Variants in SLC25A20 observed in about 807,000 individuals in gnomAD.
SLC25A20 encodes solute carrier family 25 member 20, also known as mitochondrial carnitine/acylcarnitine carrier protein.
Under a neutral mutation model 39.7 loss-of-function variants are expected in SLC25A20, and 29 were observed. The observed-to-expected ratio is 0.73, with a 90% CI of 0.54 to 1.00. SLC25A20 has a LOEUF of 1.00. SLC25A20 is among the 50% of genes least tolerant of loss of function. The pLI, the probability that SLC25A20 is intolerant of heterozygous loss-of-function variation, is 0.00. For missense variants in SLC25A20, 333 were observed against 379.9 expected (o/e 0.88, Z 1.03); for synonymous variants, 103 against 142.2 (o/e 0.72, Z 1.96).
intron 3 of SLC25A20, among the ~76,000 whole-genome samples, chr3:48,881,638 TCTTAA>T (rs368067274): frequency 4.5e-4 from 69 of 152,126 alleles, no homozygotes; most frequent in African/African-American, 1.6e-3. Context: ...GTCCTGAGTG[TCTTAA>T]CTTTGTTCAG....
chr3:48,887,836 G>A (rs2083841676), intron 2 of SLC25A20, among the ~76,000 whole-genome samples: 2 of 151,934 alleles, frequency 1.3e-5, no homozygotes, highest in South Asian at 2.1e-4. Flanking sequence ...CCGGGAGGCG[G>A]AGGTTGCAGT....
intron 3 of SLC25A20, among the ~76,000 whole-genome samples, chr3:48,881,746 A>C (rs1268592299): frequency 6.6e-6 from 1 of 152,124 alleles, no homozygotes; most frequent in East Asian, 1.9e-4. Flanking sequence ...GGGGTCATGC[A>C]TGGCCCTGAT....
chr3:48,863,029 G>A (rs776297446), intron 4 of SLC25A20, among the ~76,000 whole-genome samples: 12 of 152,004 alleles, frequency 7.9e-5, no homozygotes, highest in African/African-American at 2.7e-4. Flanking sequence ...CTGTCTCTAC[G>A]AAAAATACAA....
chr3:48,891,907 T>A, intron 2 of SLC25A20, 73 bp downstream of exon 2: 1 of 1,216,714 alleles, frequency 8.2e-7, no homozygotes, highest in South Asian at 1.2e-5. Context: ...GTTAACCTAC[T>A]CTCCTTGGGG....
intron 2 of SLC25A20, among the ~76,000 whole-genome samples, chr3:48,889,684 G>C (rs981462030): frequency 1.3e-5 from 2 of 152,038 alleles, no homozygotes; most frequent in African/African-American, 2.4e-5. Context: ...GATTACCTAG[G>C]TGCCGAGGCA....
At position 48,898,816 on chromosome 3, in the gene SLC25A20, G is replaced by A. The variant is rs927955211; in HGVS notation, c.-22C>T. 1.3e-6 allele frequency: 2 copies of A among 1,549,830 alleles called. No individual in the cohort carries two copies. The highest frequency in any genetic ancestry group is 1.4e-5 in the African/African-American group (1 of 73,116). Reference sequence around the variant, plus strand: ...CCATGGTCAGTCCGTCTGTCACTCCGTCTGTCAGTTCTCGGGCCGTCCTGG... The same window carrying A: ...CCATGGTCAGTCCGTCTGTCACTCCATCTGTCAGTTCTCGGGCCGTCCTGG... On this transcript the variant is annotated 5_prime_UTR_variant, in exon 1 of 9. The change creates a new upstream start codon in the 5' untranslated region. Coordinates refer to ENST00000319017, the MANE Select transcript of SLC25A20 (RefSeq NM_000387.6).
chr3:48,870,558 C>CTTTTT (rs752195846), intron 4 of SLC25A20, among the ~76,000 whole-genome samples: 17 of 123,464 alleles, frequency 1.4e-4, no homozygotes, highest in Non-Finnish European at 2.1e-4. Context: ...TTTTCTTTTT[C>CTTTTT]TTTTTTTTTT....
chr3:48,858,423 C>A, intron 8 of SLC25A20, 84 bp downstream of exon 8: 1 of 1,591,984 alleles, frequency 6.3e-7, no homozygotes, highest in South Asian at 1.1e-5. Flanking sequence ...GACCCCAGTC[C>A]TATCCCAGGA....
At chr3:48,865,772 CAA>C (rs1202666164) in intron 4 of SLC25A20, among the ~76,000 whole-genome samples, 21 of 78,018 alleles carry the variant, frequency 2.7e-4, no homozygotes, top group Admixed American at 2.6e-4. Flanking sequence ...CTGTCTCAAA[CAA>C]AAAAAAAAAA....
intron 4 of SLC25A20, among the ~76,000 whole-genome samples, chr3:48,866,543 G>T (rs1415414696): frequency 2.0e-5 from 3 of 151,458 alleles, no homozygotes; most frequent in Admixed American, 6.6e-5. Context: ...GACAGAACAA[G>T]ACTCCATCTC....
intron 4 of SLC25A20, among the ~76,000 whole-genome samples, chr3:48,873,990 A>G (rs890727784): frequency 6.9e-6 from 1 of 145,630 alleles, no homozygotes; most frequent in Non-Finnish European, 1.5e-5. Context: ...AAAAAAAAAA[A>G]AGAATTCTTA....
In SLC25A20 at chr3:48,857,133, A is replaced by G. The variant is rs75285078; in HGVS notation, c.*577T>C. ...TTTACTTTTGATTATTTGCAGGCAT[A>G]AAAAAAAAAAATCAAAATCCAACGA... On this transcript the variant is annotated 3_prime_UTR_variant, in exon 9 of 9. Transcript: ENST00000319017. 6.8e-6 allele frequency: 1 copy of G among 147,094 alleles called. No individual in the cohort carries two copies. Among genetic ancestry groups the G allele is most frequent in the Non-Finnish European group, 1.5e-5 (1 of 66,558 alleles). 9.1% of individuals were successfully genotyped at this position (147,094 alleles called of 1,614,324 possible). A position where few individuals can be genotyped will look rare whatever the true frequency, so the allele number is the denominator to read the frequency against.
At chr3:48,896,483 TTTTTGTTTTGTTTTGTTTTG>T (rs144499213) in intron 1 of SLC25A20, among the ~76,000 whole-genome samples, 18 of 146,996 alleles carry the variant, frequency 1.2e-4, no homozygotes, top group African/African-American at 2.3e-4. Context: ...TTGCAGGTGG[TTTTTGTTTTGTTTTGTTTTG>T]TTTTGTTTTG....
chr3:48,892,700 G>A (rs2083885997), intron 1 of SLC25A20, among the ~76,000 whole-genome samples: 1 of 152,132 alleles, frequency 6.6e-6, no homozygotes, highest in African/African-American at 2.4e-5. Flanking sequence ...ACTGGATGAG[G>A]TCCACTCACA....
intron 4 of SLC25A20, among the ~76,000 whole-genome samples, chr3:48,872,137 G>T (rs2083721395): frequency 6.7e-6 from 1 of 149,886 alleles, no homozygotes; most frequent in African/African-American, 2.5e-5. Context: ...CCTGCCCAAT[G>T]ATTTTTTTTT....
At chr3:48,876,759 A>G (rs894175612) in intron 4 of SLC25A20, among the ~76,000 whole-genome samples, 9 of 152,046 alleles carry the variant, frequency 5.9e-5, no homozygotes, top group African/African-American at 1.7e-4. Flanking sequence ...AAAAAATTAT[A>G]GAAATGATTA....
chr3:48,866,394 A>G (rs1190768845), intron 4 of SLC25A20, among the ~76,000 whole-genome samples: 4 of 150,876 alleles, frequency 2.7e-5, no homozygotes, highest in African/African-American at 9.7e-5. Flanking sequence ...TCTCTACTAA[A>G]AGTACAAAAA....
intron 2 of SLC25A20, 136 bp downstream of exon 2, chr3:48,891,844 T>G (rs2083879819): frequency 1.3e-6 from 1 of 771,606 alleles, no homozygotes; most frequent in Non-Finnish European, 2.4e-6. Flanking sequence ...GGGCACAGGG[T>G]GGCGTGGTGA....
intron 8 of SLC25A20, 68 bp from the exon 9 acceptor site, chr3:48,857,840 A>AG: frequency 7.0e-7 from 1 of 1,432,396 alleles, no homozygotes; most frequent in Non-Finnish European, 9.7e-7. Context: ...TCAAAGCACT[A>AG]TGCTTTGCTG....
Sources: gnomAD v4.1 joint callset for allele counts (sites outside exome capture counted in the v4.1 genomes callset) on GRCh38, gnomAD v4.1.1 for gene constraint, MANE v1.5 for transcripts, NCBI Gene and HGNC (gene_info 2026-07-23, HGNC 2026-07-21) for gene names.